Variants in FBXL17 observed in about 807,000 individuals in gnomAD.
The protein encoded by FBXL17 is F-box/LRR-repeat protein 17.
In FBXL17, 22 loss-of-function variants were observed where a neutral mutation model predicts 66.2. That is an observed-to-expected ratio of 0.33 (90% confidence interval 0.24 to 0.47). The LOEUF is 0.47. FBXL17 is among the 20% of genes least tolerant of loss of function. The pLI, the probability that FBXL17 is intolerant of heterozygous loss-of-function variation, is 1.00. For synonymous variants in FBXL17, 474 were observed against 400.5 expected (o/e 1.18, Z -2.19); for missense variants, 878 against 948.2 (o/e 0.93, Z 0.97).
intron 6 of FBXL17, among the ~76,000 whole-genome samples, chr5:108,155,375 C>T (rs764769655): frequency 6.6e-5 from 10 of 152,024 alleles, no homozygotes; most frequent in African/African-American, 1.7e-4. Context: ...ATTAGCCGGG[C>T]GTGGTGGCAC....
Position 108,117,525 on chromosome 5 carries a change from A to T in FBXL17, c.1745+68592T>A, listed in dbSNP as rs904613713. On this transcript the variant is annotated intron_variant, in intron 6 of 8. Transcript: ENST00000542267. ...CTTGGCTTTATAATTTAAAATTTTT[A>T]AAAATGTTAATTACAACACAGTAAC... Among the ~76,000 whole-genome samples the T allele has an allele frequency of 5.3e-5, 8 of 152,326 alleles. No individual in the cohort carries two copies. The East Asian group carries it at 7.7e-4, about 15-fold the overall frequency.
chr5:108,235,792 T>A (rs925388294), intron 4 of FBXL17, among the ~76,000 whole-genome samples: 1 of 152,202 alleles, frequency 6.6e-6, no homozygotes, highest in Non-Finnish European at 1.5e-5. Context: ...TTTGATACAG[T>A]GTCCCACGTA....
At chr5:108,295,851 A>G (rs1758325352) in intron 4 of FBXL17, among the ~76,000 whole-genome samples, 1 of 151,738 alleles carries the variant, frequency 6.6e-6, no homozygotes, top group African/African-American at 2.4e-5. Flanking sequence ...ATAAAGTTCT[A>G]GCGAGTGACA....
chr5:108,219,714 A>C (rs1329979417), intron 5 of FBXL17, among the ~76,000 whole-genome samples: 1 of 152,078 alleles, frequency 6.6e-6, no homozygotes, highest in Non-Finnish European at 1.5e-5. Flanking sequence ...AAAGATGTTC[A>C]TAATAATAAC....
At chr5:108,191,764 T>C (rs2150038781) in intron 5 of FBXL17, among the ~76,000 whole-genome samples, 1 of 152,350 alleles carries the variant, frequency 6.6e-6, no homozygotes, top group East Asian at 1.9e-4. Context: ...TTGTGACTCT[T>C]ACTGCCTGTA....
chr5:108,369,764 C>T (rs1274113026), intron 1 of FBXL17, among the ~76,000 whole-genome samples: 2 of 151,918 alleles, frequency 1.3e-5, no homozygotes, highest in Non-Finnish European at 2.9e-5. Flanking sequence ...GTGGGCCACA[C>T]TGAGATCCAG....
chr5:107,898,077 TAGA>T (rs1315878374), intron 7 of FBXL17, among the ~76,000 whole-genome samples: 1 of 152,136 alleles, frequency 6.6e-6, no homozygotes, highest in East Asian at 1.9e-4. Context: ...GATGAAGATG[TAGA>T]AGAAGCTGTG....
chr5:108,380,093 G>C (rs1475275813), intron 1 of FBXL17, among the ~76,000 whole-genome samples: 1 of 152,182 alleles, frequency 6.6e-6, no homozygotes, highest in Non-Finnish European at 1.5e-5. Context: ...CTCCACAGGA[G>C]CAAAGACCAC....
At chr5:108,300,550 T>A (rs1489523945) in intron 4 of FBXL17, among the ~76,000 whole-genome samples, 1 of 151,824 alleles carries the variant, frequency 6.6e-6, no homozygotes, top group Non-Finnish European at 1.5e-5. Flanking sequence ...ATATTACTTA[T>A]CTCCACATGA....
At chr5:108,042,793 G>A (rs529929327) in intron 6 of FBXL17, among the ~76,000 whole-genome samples, 1 of 152,266 alleles carries the variant, frequency 6.6e-6, no homozygotes, top group South Asian at 2.1e-4. Context: ...TACGGTAGTT[G>A]CATGTTTAGT....
intron 7 of FBXL17, among the ~76,000 whole-genome samples, chr5:107,957,907 T>A (rs1449066325): frequency 6.6e-6 from 1 of 152,180 alleles, no homozygotes; most frequent in Non-Finnish European, 1.5e-5. Context: ...TGGTCAATTC[T>A]GTGGGGAGCA....
rs1749869324 is a variant in FBXL17, at chr5:108,381,091, C to T, written c.601G>A (p.Gly201Arg). 3.9e-6 allele frequency: 5 copies of T among 1,272,412 alleles called. No individual in the cohort carries two copies. Among genetic ancestry groups the T allele is most frequent in the Admixed American group, 4.1e-5 (1 of 24,178 alleles). The allele number at this position is 1,272,412 out of a possible 1,614,324, so 78.8% of individuals were successfully genotyped here. A position where few individuals can be genotyped will look rare whatever the true frequency, so the allele number is the denominator to read the frequency against. Residue 201 changes from glycine to arginine, a missense_variant, in exon 1 of 9, where the codon GGG becomes AGG. By Grantham distance (125) the Gly-to-Arg change is moderately radical. This residue lies in a region of FBXL17 where 605 missense variants were observed against 509.5 expected (regional missense o/e 1.19). Transcript: ENST00000542267. ...GGGGTGCAGGCGGGGACCCCGGCCC[C>T]CTTCCGCTTGCACACCATTTCGGGG... ...TPPEMVCKRKGAGVPACTPCK... is the reference protein window; with the variant it reads ...TPPEMVCKRKRAGVPACTPCK...
intron 4 of FBXL17, among the ~76,000 whole-genome samples, chr5:108,232,062 C>CACG (rs1034848686): frequency 8.5e-5 from 13 of 152,140 alleles, no homozygotes; most frequent in Non-Finnish European, 1.8e-4. Flanking sequence ...CAGCTGTGAC[C>CACG]ACGTGACCAG....
At chr5:107,995,288 T>C (rs1274492186) in intron 7 of FBXL17, among the ~76,000 whole-genome samples, 1 of 152,244 alleles carries the variant, frequency 6.6e-6, no homozygotes, top group Non-Finnish European at 1.5e-5. Context: ...GATTCAATGT[T>C]TTACAAGTCA....
intron 5 of FBXL17, among the ~76,000 whole-genome samples, chr5:108,191,130 C>A (rs531141274): frequency 1.3e-5 from 2 of 152,290 alleles, no homozygotes; most frequent in Admixed American, 6.5e-5. Flanking sequence ...CTGAATAGAA[C>A]CATGCAAAAT....
At chr5:108,272,147 C>A (rs1292547094) in intron 4 of FBXL17, among the ~76,000 whole-genome samples, 2 of 151,792 alleles carry the variant, frequency 1.3e-5, no homozygotes, top group Non-Finnish European at 2.9e-5. Flanking sequence ...ACAAATTAGC[C>A]GCGTGTTGTG....
intron 4 of FBXL17, among the ~76,000 whole-genome samples, chr5:108,314,103 TAAAC>T (rs1381069650): frequency 1.3e-5 from 2 of 151,748 alleles, no homozygotes; most frequent in African/African-American, 2.4e-5. Context: ...ACTTCAAAAT[TAAAC>T]AAAATTTAAA....
At chr5:108,317,389 A>G (rs953504344) in intron 4 of FBXL17, among the ~76,000 whole-genome samples, 4 of 150,850 alleles carry the variant, frequency 2.7e-5, no homozygotes, top group African/African-American at 7.3e-5. Flanking sequence ...AGAAAAGACA[A>G]AAGTTTGAGG....
chr5:108,078,179 G>C (rs995333943), intron 6 of FBXL17, among the ~76,000 whole-genome samples: 1 of 152,132 alleles, frequency 6.6e-6, no homozygotes, highest in South Asian at 2.1e-4. Context: ...CCACCACATG[G>C]GCTGGGACAC....
Sources: allele counts gnomAD v4.1 joint callset (sites outside exome capture counted in the v4.1 genomes callset), GRCh38; gene constraint gnomAD v4.1.1; regional missense constraint gnomAD v4.1.1; transcripts MANE v1.5; gene names NCBI Gene and HGNC (gene_info 2026-07-23, HGNC 2026-07-21).